The following MACROD2 variants were observed in gnomAD, a reference collection of about 807,000 sequenced individuals.
The protein encoded by MACROD2 is ADP-ribose glycohydrolase MACROD2.
MACROD2 carries 36 observed loss-of-function variants against 70.4 expected under a neutral mutation model. The observed-to-expected ratio is 0.51, with a 90% CI of 0.39 to 0.68. The LOEUF (loss-of-function observed/expected upper bound fraction) is 0.68. Among genes scored for constraint, MACROD2 ranks in the 30% least tolerant of loss-of-function variants. MACROD2 has a pLI of 0.00. For missense variants in MACROD2, 496 were observed against 538.4 expected (o/e 0.92, Z 0.78); for synonymous variants, 172 against 178.8 (o/e 0.96, Z 0.30).
intron 4 of MACROD2, among the ~76,000 whole-genome samples, chr20:14,529,068 G>A (rs2085271856): frequency 1.3e-5 from 2 of 152,098 alleles, no homozygotes; most frequent in Non-Finnish European, 2.9e-5. Context: ...TCAGGAAAGG[G>A]CACGAGATTG....
intron 4 of MACROD2, among the ~76,000 whole-genome samples, chr20:14,579,308 A>G (rs569463659): frequency 1.3e-5 from 2 of 150,936 alleles, no homozygotes; most frequent in South Asian, 4.2e-4. Context: ...CGCCCGGCTA[A>G]TTTTTTGTAT....
chr20:14,327,087 G>C (rs766736015), intron 3 of MACROD2: 1 of 1,613,762 alleles, frequency 6.2e-7, no homozygotes, highest in South Asian at 1.1e-5. Flanking sequence ...TAACTGCAGA[G>C]ACAGAGTTGT....
chr20:15,348,226 G>A (rs1485140072), intron 6 of MACROD2, among the ~76,000 whole-genome samples: 1 of 152,208 alleles, frequency 6.6e-6, no homozygotes, highest in African/African-American at 2.4e-5. Context: ...TTACATCTCT[G>A]TGATGAAGGT....
At chr20:15,970,406 T>G (rs78231623) in intron 13 of MACROD2, among the ~76,000 whole-genome samples, 1,693 of 152,284 alleles carry the variant, frequency 0.011, 27 homozygotes, top group African/African-American at 0.038. Flanking sequence ...TTTATTGGAA[T>G]GAGGTAAATT....
At chr20:14,632,100 A>G (rs1984543864) in intron 4 of MACROD2, among the ~76,000 whole-genome samples, 1 of 152,010 alleles carries the variant, frequency 6.6e-6, no homozygotes, top group Non-Finnish European at 1.5e-5. Context: ...TAATCTGGCT[A>G]TAAGGAATAT....
chr20:14,560,391 A>G (rs925829957), intron 4 of MACROD2, among the ~76,000 whole-genome samples: 9 of 151,748 alleles, frequency 5.9e-5, no homozygotes, highest in African/African-American at 2.2e-4. Flanking sequence ...TAAAGATAGG[A>G]TAAAAAACTG....
intron 2 of MACROD2, chr20:14,052,997 A>G (rs1413948063): frequency 1.3e-5 from 2 of 150,942 alleles, no homozygotes. Context: ...ATAATAGTAG[A>G]GTTTTTTTTT....
intron 6 of MACROD2, among the ~76,000 whole-genome samples, chr20:15,253,971 T>A (rs898435273): frequency 1.3e-5 from 2 of 152,220 alleles, no homozygotes; most frequent in African/African-American, 4.8e-5. Flanking sequence ...ATAGGTCTCA[T>A]GCTGTCCCCC....
intron 3 of MACROD2, among the ~76,000 whole-genome samples, chr20:14,224,502 G>A (rs1440316810): frequency 6.6e-6 from 1 of 152,138 alleles, no homozygotes; most frequent in Non-Finnish European, 1.5e-5. Flanking sequence ...CTGCACAGTT[G>A]ATTTGGCCTA....
At chr20:14,097,971 T>A (rs1361815538) in intron 3 of MACROD2, among the ~76,000 whole-genome samples, 1 of 152,158 alleles carries the variant, frequency 6.6e-6, no homozygotes, top group Non-Finnish European at 1.5e-5. Context: ...GCTTTTGGAT[T>A]TTAGAGCATT....
chr20:14,659,619 A>G (rs1411574711), intron 4 of MACROD2, among the ~76,000 whole-genome samples: 2 of 152,074 alleles, frequency 1.3e-5, no homozygotes, highest in Admixed American at 6.6e-5. Context: ...TCAGGTTACA[A>G]TGCTAAAAGT....
intron 6 of MACROD2, among the ~76,000 whole-genome samples, chr20:15,354,989 T>A (rs2078270441): frequency 6.6e-6 from 1 of 152,218 alleles, no homozygotes; most frequent in African/African-American, 2.4e-5. Flanking sequence ...GTGACACTAA[T>A]ATTATTCCAT....
At chr20:15,902,503 T>A (rs533848247) in intron 10 of MACROD2, among the ~76,000 whole-genome samples, 42 of 152,276 alleles carry the variant, frequency 2.8e-4, no homozygotes, top group African/African-American at 9.9e-4. Context: ...TAAGCAATTA[T>A]TATCTCGGAG....
intron 8 of MACROD2, among the ~76,000 whole-genome samples, chr20:15,671,235 A>T (rs981147529): frequency 6.6e-6 from 1 of 152,142 alleles, no homozygotes; most frequent in Non-Finnish European, 1.5e-5. Context: ...GTGGTACCTC[A>T]GTTCCTAAAA....
chr20:15,057,858 A>T (rs1004222889), intron 5 of MACROD2, among the ~76,000 whole-genome samples: 14 of 151,712 alleles, frequency 9.2e-5, no homozygotes, highest in African/African-American at 3.1e-4. Flanking sequence ...CTTTTTTTTG[A>T]TCTCTCACTG....
intron 10 of MACROD2, among the ~76,000 whole-genome samples, chr20:15,907,592 T>G (rs920532586): frequency 4.6e-5 from 7 of 152,216 alleles, no homozygotes; most frequent in African/African-American, 1.7e-4. Context: ...ATGCACCTTT[T>G]TTTGTTCTCT....
chr20:15,082,415 T>C (rs1291171161), intron 5 of MACROD2, among the ~76,000 whole-genome samples: 1 of 152,146 alleles, frequency 6.6e-6, no homozygotes, highest in Non-Finnish European at 1.5e-5. Context: ...ATTGTGGCCA[T>C]TGGTAATTCT....
In MACROD2 at chr20:15,584,153, C is replaced by T. The variant is rs746478185; in HGVS notation, c.645+84306C>T. Among the ~76,000 whole-genome samples the T allele has an allele frequency of 1.7e-4, 26 of 152,254 alleles. No homozygotes were observed. The South Asian group carries it at 2.5e-3, about 15-fold the overall frequency. On this transcript the variant is annotated intron_variant, in intron 8 of 17. Coordinates refer to ENST00000684519, the MANE Select transcript of MACROD2 (RefSeq NM_001351661.2). ...CCCCTGCAACTTCATTAAATTTATC[C>T]GGGATATTTGTTAAAAATGCAGCCC... is the stretch of plus-strand genomic sequence containing the variant.
chr20:15,708,924 G>A (rs1378303879), intron 8 of MACROD2, among the ~76,000 whole-genome samples: 1 of 152,136 alleles, frequency 6.6e-6, no homozygotes, highest in African/African-American at 2.4e-5. Flanking sequence ...AACTCAGGAG[G>A]CTAAGATGGG....
Sources: allele counts gnomAD v4.1 joint callset (sites outside exome capture counted in the v4.1 genomes callset), GRCh38; gene constraint gnomAD v4.1.1; transcripts MANE v1.5; gene names NCBI Gene and HGNC (gene_info 2026-07-23, HGNC 2026-07-21).